CDH13: variants seen among roughly 807,000 people sequenced by gnomAD.
CDH13 encodes the protein cadherin-13.
A neutral mutation model predicts 63.8 loss-of-function variants in CDH13; 24 were observed. The ratio of observed to expected loss-of-function variants is 0.38; its 90% confidence interval spans 0.27 to 0.53. CDH13 has a LOEUF of 0.53. CDH13 is among the 20% of genes least tolerant of loss of function. The probability of loss-of-function intolerance (pLI) is 0.85; values close to 1 mark genes in which losing one functional copy is unlikely to be tolerated. For missense variants in CDH13, 1,049 were observed against 903.1 expected, an observed-to-expected ratio of 1.16 and a Z score of -2.07; for synonymous variants, 503 against 355.3, an observed-to-expected ratio of 1.42 and a Z score of -4.67.
At chr16:83,029,993 A>G (rs1013352929) in intron 2 of CDH13, among the ~76,000 whole-genome samples, 1 of 152,238 alleles carries the variant, frequency 6.6e-6, no homozygotes, top group Non-Finnish European at 1.5e-5. Context: ...GCATGCACAG[A>G]TAATGAGTTG....
At chr16:83,681,633 G>T (rs1419065580) in intron 10 of CDH13, among the ~76,000 whole-genome samples, 2 of 151,972 alleles carry the variant, frequency 1.3e-5, no homozygotes, top group African/African-American at 4.8e-5. Context: ...CTCCTCTCCT[G>T]GAGTAAAGTC....
At chr16:83,222,024 T>A (rs1477543133) in intron 5 of CDH13, among the ~76,000 whole-genome samples, 1 of 152,162 alleles carries the variant, frequency 6.6e-6, no homozygotes, top group Non-Finnish European at 1.5e-5. Context: ...CTTGAACATT[T>A]ACAGTGTGCC....
chr16:83,715,828 G>T (rs1460466265), intron 10 of CDH13, among the ~76,000 whole-genome samples: 1 of 152,144 alleles, frequency 6.6e-6, no homozygotes, highest in Non-Finnish European at 1.5e-5. Flanking sequence ...GACAAGGGTG[G>T]AGTCATAGCA....
At chr16:83,140,191 C>T (rs1386305065) in intron 4 of CDH13, among the ~76,000 whole-genome samples, 2 of 152,208 alleles carry the variant, frequency 1.3e-5, no homozygotes, top group African/African-American at 4.8e-5. Flanking sequence ...AGCCTCCTGG[C>T]ACTGCTGACA....
intron 8 of CDH13, among the ~76,000 whole-genome samples, chr16:83,633,235 C>G (rs1910941339): frequency 6.6e-6 from 1 of 151,736 alleles, no homozygotes; most frequent in South Asian, 2.1e-4. Flanking sequence ...CTTATTTTAC[C>G]CAGCTCCTAT....
intron 6 of CDH13, among the ~76,000 whole-genome samples, chr16:83,382,642 A>G (rs1160912316): frequency 6.6e-6 from 1 of 152,040 alleles, no homozygotes; most frequent in Non-Finnish European, 1.5e-5. Context: ...GCAATGTCCA[A>G]TCTCCACACC....
At chr16:83,297,428 G>A (rs921268360) in intron 5 of CDH13, among the ~76,000 whole-genome samples, 4 of 152,160 alleles carry the variant, frequency 2.6e-5, no homozygotes, top group Admixed American at 2.6e-4. Context: ...AATGGGAGGT[G>A]AAGAAGGTGT....
chr16:82,990,079 A>G (rs947636757), intron 2 of CDH13: 1 of 149,542 alleles, frequency 6.7e-6, no homozygotes, highest in Non-Finnish European at 1.5e-5. Context: ...TCACATCATG[A>G]TTTTTTTTTT....
rs546437239 is a variant in CDH13 at position 82,841,064 on chromosome 16, G to A, written c.46-17298G>A. Among the ~76,000 whole-genome samples the A allele has an allele frequency of 7.2e-5, 11 of 152,306 alleles. No homozygotes were observed. The South Asian group carries it at 1.2e-3, about 17-fold the overall frequency. On this transcript the variant is annotated intron_variant, in intron 1 of 13. Coordinates refer to ENST00000567109, the MANE Select transcript of CDH13 (RefSeq NM_001257.5). ...ACAGAAGGCAAATGGTACTTGCTGG[G>A]GACACATGGGATGCATGGCCTGTGG...
At chr16:82,972,594 C>G (rs1228539045) in intron 2 of CDH13, among the ~76,000 whole-genome samples, 20 of 152,178 alleles carry the variant, frequency 1.3e-4, no homozygotes, top group Admixed American at 1.2e-3. Context: ...CCTATGGTAG[C>G]TGGGACGGAA....
intron 1 of CDH13, among the ~76,000 whole-genome samples, chr16:82,699,380 C>G (rs2030715948): frequency 6.6e-6 from 1 of 152,164 alleles, no homozygotes. Context: ...AACATACACT[C>G]TGCAAGTGGA....
intron 5 of CDH13, among the ~76,000 whole-genome samples, chr16:83,296,726 C>T (rs1465212781): frequency 6.6e-6 from 1 of 152,114 alleles, no homozygotes; most frequent in Non-Finnish European, 1.5e-5. Flanking sequence ...GAACTTTTGC[C>T]AATCTCACTA....
chr16:82,770,267 T>G (rs1269213362), intron 1 of CDH13, among the ~76,000 whole-genome samples: 6 of 152,258 alleles, frequency 3.9e-5, no homozygotes, highest in Non-Finnish European at 2.9e-5. Context: ...TGTGTGTTTT[T>G]GTGCACATTG....
chr16:82,781,194 T>C (rs988991897), intron 1 of CDH13, among the ~76,000 whole-genome samples: 1 of 152,200 alleles, frequency 6.6e-6, no homozygotes, highest in Admixed American at 6.5e-5. Flanking sequence ...GAAATAGAGA[T>C]GTGATTATTG....
chr16:82,851,455 AAG>A (rs1348240364), intron 1 of CDH13, among the ~76,000 whole-genome samples: 2 of 151,414 alleles, frequency 1.3e-5, no homozygotes, highest in Middle Eastern at 3.4e-3. Flanking sequence ...TAAAAAGAAA[AAG>A]AAAAAGAAAA....
At chr16:82,652,376 G>T (rs1193163664) in intron 1 of CDH13, among the ~76,000 whole-genome samples, 2 of 152,184 alleles carry the variant, frequency 1.3e-5, no homozygotes, top group African/African-American at 4.8e-5. Context: ...AGAAGAGCTT[G>T]GTTAAATAAG....
intron 2 of CDH13, among the ~76,000 whole-genome samples, chr16:82,896,276 ATTTTTTTTTTTTTTTTT>A (rs59677448): frequency 0.4 from 36,018 of 89,804 alleles, 7,326 homozygotes; most frequent in Non-Finnish European, 0.53. Context: ...TAGGATTAGG[ATTTTTTTTTTTTTTTTT>A]TTTTTTTTTT....
At chr16:82,806,167 C>G (rs923391432) in intron 1 of CDH13, among the ~76,000 whole-genome samples, 9 of 152,180 alleles carry the variant, frequency 5.9e-5, no homozygotes, top group African/African-American at 2.2e-4. Flanking sequence ...TATAAGGACT[C>G]TTCTCTTGCT....
chr16:82,960,819 TAA>T (rs968174184), intron 2 of CDH13, among the ~76,000 whole-genome samples: 1 of 152,082 alleles, frequency 6.6e-6, no homozygotes, highest in African/African-American at 2.4e-5. Flanking sequence ...TTTTAATCTT[TAA>T]AAAAAATTAT....
Sources: allele counts gnomAD v4.1 joint callset (sites outside exome capture counted in the v4.1 genomes callset), GRCh38; gene constraint gnomAD v4.1.1; transcripts MANE v1.5; gene names NCBI Gene and HGNC (gene_info 2026-07-23, HGNC 2026-07-21).